ARMC8: variants seen among roughly 807,000 people sequenced by gnomAD.
ARMC8 encodes armadillo repeat containing 8.
A neutral mutation model predicts 99.3 loss-of-function variants in ARMC8; 20 were observed. The observed-to-expected ratio is 0.20, with a 90% CI of 0.14 to 0.29. The LOEUF (loss-of-function observed/expected upper bound fraction) is 0.29, where lower values mean the gene tolerates loss of function less well. Ranked by LOEUF, ARMC8 falls within the 10% of genes least tolerant of loss-of-function variation. The pLI, the probability that ARMC8 is intolerant of heterozygous loss-of-function variation, is 1.00. For missense variants in ARMC8, 569 were observed against 809.5 expected (o/e 0.70, Z 3.60); for synonymous variants, 263 against 278.3 (o/e 0.95, Z 0.55).
intron 1 of ARMC8, among the ~76,000 whole-genome samples, chr3:138,205,494 G>A (rs1191607559): frequency 1.3e-5 from 2 of 152,142 alleles, no homozygotes; most frequent in Non-Finnish European, 2.9e-5. Context: ...CACAGTGTTT[G>A]GTCTAGTCCA....
chr3:138,269,973 A>C, intron 15 of ARMC8, 67 bp from the exon 16 acceptor site: 99 of 982,258 alleles, frequency 1.0e-4, no homozygotes, highest in Non-Finnish European at 1.4e-4. Flanking sequence ...GTGCCAAGGT[A>C]TATGCATGTT....
At chr3:138,288,719 C>A (rs1258114787) in intron 19 of ARMC8, among the ~76,000 whole-genome samples, 2 of 150,950 alleles carry the variant, frequency 1.3e-5, no homozygotes, top group Non-Finnish European at 2.9e-5. Flanking sequence ...CTCACTGCAA[C>A]CTCTGCCTCC....
At chr3:138,243,942 T>C (rs931988100) in intron 11 of ARMC8, among the ~76,000 whole-genome samples, 1 of 152,208 alleles carries the variant, frequency 6.6e-6, no homozygotes, top group African/African-American at 2.4e-5. Flanking sequence ...ACATTAAGGC[T>C]TTTAGTTACG....
intron 1 of ARMC8, among the ~76,000 whole-genome samples, chr3:138,192,552 C>A (rs1008123995): frequency 1.3e-5 from 2 of 152,124 alleles, no homozygotes; most frequent in African/African-American, 4.8e-5. Context: ...GCTGGGATTA[C>A]AGGCTTATTT....
At chr3:138,213,950 C>T (rs561482890) in intron 2 of ARMC8, among the ~76,000 whole-genome samples, 2 of 152,058 alleles carry the variant, frequency 1.3e-5, no homozygotes, top group African/African-American at 4.8e-5. Context: ...CCCTTGAACC[C>T]AGGAGTTCCA....
In ARMC8 at chr3:138,288,580, T is replaced by C. The variant is rs557309359; in HGVS notation, c.1822-468T>C. On this transcript the variant is annotated intron_variant, in intron 19 of 21. Coordinates refer to ENST00000469044, the MANE Select transcript of ARMC8 (RefSeq NM_001363941.2). Reference sequence around the variant, plus strand: ...TCTTTAGCCCAACCCTTCTACTCATTAGTGTTAACTTCATGGCCCCTCAAG... The same window carrying C: ...TCTTTAGCCCAACCCTTCTACTCATCAGTGTTAACTTCATGGCCCCTCAAG... Among the ~76,000 whole-genome samples, 96 of 152,222 alleles carry C rather than the reference T, an allele frequency of 6.3e-4. 1 individual carries two copies. The highest frequency in any genetic ancestry group is 2.2e-3 in the African/African-American group (90 of 41,556).
At chr3:138,247,604 G>A (rs993327971) in intron 12 of ARMC8, among the ~76,000 whole-genome samples, 2 of 152,076 alleles carry the variant, frequency 1.3e-5, no homozygotes, top group African/African-American at 4.8e-5. Flanking sequence ...AAGGAAAGGA[G>A]GCAGAATGAA....
intron 2 of ARMC8, among the ~76,000 whole-genome samples, chr3:138,210,928 A>G (rs577988436): frequency 6.6e-6 from 1 of 151,686 alleles, no homozygotes; most frequent in Non-Finnish European, 1.5e-5. Context: ...GAAGCTGGTT[A>G]GGATCCACCG....
At chr3:138,281,752 C>T (rs992384237) in intron 18 of ARMC8, among the ~76,000 whole-genome samples, 4 of 152,260 alleles carry the variant, frequency 2.6e-5, no homozygotes, top group Admixed American at 6.5e-5. Context: ...ACTCACCTGT[C>T]TTGCTGACCT....
At chr3:138,229,110 A>G (rs1360321320) in intron 6 of ARMC8, 100 bp downstream of exon 6, 5 of 425,106 alleles carry the variant, frequency 1.2e-5, no homozygotes, top group Middle Eastern at 3.9e-4. Flanking sequence ...TCATACATAT[A>G]TAAGTAGACC....
Position 138,298,148 on chromosome 3 carries a change from T to C in ARMC8, c.*2256T>C, listed in dbSNP as rs895305172. The C allele has an allele frequency of 2.6e-5, 4 of 152,250 alleles. No individual in the cohort carries two copies. The highest frequency in any genetic ancestry group is 9.6e-5 in the African/African-American group (4 of 41,472). The allele number at this position is 152,250 out of a possible 1,614,324, so 9.4% of individuals were successfully genotyped here. On this transcript the variant is annotated 3_prime_UTR_variant, in exon 22 of 22. Coordinates refer to ENST00000469044, the MANE Select transcript of ARMC8 (RefSeq NM_001363941.2). ...AGTGGGAAGAGTGGACATGGTATTG[T>C]GTCTACACCCAAGTTCTTAACTAAG...
At chr3:138,188,448 G>C in intron 1 of ARMC8, 1 of 1,604,456 alleles carries the variant, frequency 6.2e-7, no homozygotes, top group Non-Finnish European at 8.5e-7. Flanking sequence ...TGTTGCTCTT[G>C]AACCAGGACC....
intron 14 of ARMC8, among the ~76,000 whole-genome samples, chr3:138,265,771 A>T (rs2048220670): frequency 6.6e-6 from 1 of 152,204 alleles, no homozygotes; most frequent in Non-Finnish European, 1.5e-5. Flanking sequence ...GTAAGGACGA[A>T]GTGGAAGAGT....
intron 12 of ARMC8, among the ~76,000 whole-genome samples, chr3:138,255,996 G>GAAACA (rs1222576481): frequency 2.6e-5 from 4 of 152,130 alleles, no homozygotes; most frequent in African/African-American, 9.7e-5. Context: ...GAAGAAGAAA[G>GAAACA]AAACAAAACA....
chr3:138,236,653 C>A lies in ARMC8; in HGVS notation c.610-656C>A, dbSNP rs1402885420. ...AGCTACCTATCCTGTGAGTGCTTGT[C>A]AACCTCAGGTTCCACATTAAAACAT... On this transcript the variant is annotated intron_variant, in intron 7 of 21. Transcript: ENST00000469044. 2.0e-5 allele frequency among the ~76,000 whole-genome samples: 3 copies of A among 151,900 alleles called. No individual in the cohort carries two copies. The South Asian group carries it at 6.2e-4, about 32-fold the overall frequency.
chr3:138,295,814 A>G lies in ARMC8; in HGVS notation c.1989-45A>G, dbSNP rs368970818. 35 of 1,608,192 alleles carry G rather than the reference A, an allele frequency of 2.2e-5. No individual in the cohort carries two copies. The East Asian group carries it at 2.9e-4, about 13-fold the overall frequency. ...TTGAACCATAGGGTTTTTTACCCCA[A>G]TTACAATTCTGAGATGATGGCTAAC... On this transcript the variant is annotated intron_variant, in intron 21 of 21. Coordinates refer to ENST00000469044, the MANE Select transcript of ARMC8 (RefSeq NM_001363941.2).
rs549136132 is a variant in ARMC8 at position 138,247,675 on chromosome 3, C to T, written c.1134+2492C>T. Among the ~76,000 whole-genome samples, 27 of 152,208 alleles carry T rather than the reference C, an allele frequency of 1.8e-4. No homozygotes were observed. The South Asian group carries it at 4.6e-3, about 26-fold the overall frequency. On this transcript the variant is annotated intron_variant, in intron 12 of 21. Transcript: ENST00000469044. ...TATACACAGTAGTAAAGGAGAAGGA[C>T]GCTGGCCTCTCTTCATATAATTGTG...
At chr3:138,240,023 C>CAAATTTAGAAAAA (rs774757710) in intron 10 of ARMC8, among the ~76,000 whole-genome samples, 8 of 152,094 alleles carry the variant, frequency 5.3e-5, no homozygotes, top group South Asian at 4.2e-4. Flanking sequence ...TTTAGAAAAA[C>CAAATTTAGAAAAA]CTGGAGAAAA....
At position 138,274,232 on chromosome 3, in the gene ARMC8, C is replaced by CGTGT. The variant is rs111762534; in HGVS notation, c.1630-217_1630-216insGTGT. On this transcript the variant is annotated intron_variant, in intron 17 of 21. Transcript: ENST00000469044. ...TGTATGTATGTGTAATGTGTATATA[C>CGTGT]ATGTGTGTGTGTGTGTGTGTGTGTG... 3.3e-3 allele frequency among the ~76,000 whole-genome samples: 478 copies of CGTGT among 145,390 alleles called. 5 individuals are homozygous for CGTGT. Among genetic ancestry groups the CGTGT allele is most frequent in the African/African-American group, 0.013 (459 of 36,168 alleles).
Sources: allele counts gnomAD v4.1 joint callset (sites outside exome capture counted in the v4.1 genomes callset), GRCh38; gene constraint gnomAD v4.1.1; transcripts MANE v1.5; gene names NCBI Gene and HGNC (gene_info 2026-07-23, HGNC 2026-07-21).